Variants in MCUB observed in about 807,000 individuals in gnomAD.
The protein encoded by MCUB is calcium uniporter regulatory subunit MCUb, mitochondrial.
A neutral mutation model predicts 41.4 loss-of-function variants in MCUB; 46 were observed. That is an observed-to-expected ratio of 1.11 (90% CI 0.88 to 1.42). The LOEUF (loss-of-function observed/expected upper bound fraction) is 1.42, where lower values mean the gene tolerates loss of function less well. Ranked by LOEUF, MCUB falls within the 40% of genes most tolerant of loss-of-function variation. The pLI is 0.00. For missense variants in MCUB, 403 were observed against 404.9 expected (o/e 1.00, Z 0.04); for synonymous variants, 148 against 148.2 (o/e 1.00, Z 0.01).
Position 109,560,444 on chromosome 4 carries a change from C to T in MCUB, c.99+8C>T. ...CTGCCGCCTCCGCCCCAGGTAAGAG[C>T]GGGTGCCGGGCTGTGGGGGTTCGGG... On this transcript the variant is annotated splice_region_variant and intron_variant, in intron 1 of 7. Transcript: ENST00000394650. The T allele has an allele frequency of 2.4e-6, 3 of 1,249,838 alleles. No individual in the cohort carries two copies. Among genetic ancestry groups the T allele is most frequent in the Non-Finnish European group, 3.0e-6 (3 of 986,586 alleles). The allele number at this position is 1,249,838 out of a possible 1,614,324, so 77.4% of individuals were successfully genotyped here.
At chr4:109,565,618 A>G (rs545073511) in intron 1 of MCUB, among the ~76,000 whole-genome samples, 2 of 152,218 alleles carry the variant, frequency 1.3e-5, no homozygotes, top group Non-Finnish European at 2.9e-5. Flanking sequence ...AGATTCTTCT[A>G]GAATATGGCT....
chr4:109,628,317 A>G (rs1398542313), intron 1 of MCUB, among the ~76,000 whole-genome samples: 5 of 152,242 alleles, frequency 3.3e-5, no homozygotes, highest in African/African-American at 1.2e-4. Context: ...GAGAAACAGA[A>G]GATGAAATAA....
chr4:109,599,059 A>C (rs1727664315), intron 1 of MCUB, among the ~76,000 whole-genome samples: 1 of 152,150 alleles, frequency 6.6e-6, no homozygotes, highest in Admixed American at 6.5e-5. Context: ...CTTTCACTTC[A>C]TCTGGGGAAA....
intron 1 of MCUB, among the ~76,000 whole-genome samples, chr4:109,649,056 G>A (rs1381851675): frequency 3.3e-5 from 5 of 152,022 alleles, no homozygotes; most frequent in African/African-American, 9.7e-5. Flanking sequence ...TTCCTTGTTC[G>A]TGTTACATTT....
intron 1 of MCUB, among the ~76,000 whole-genome samples, chr4:109,617,555 A>T (rs1267317320): frequency 6.6e-6 from 1 of 152,216 alleles, no homozygotes; most frequent in Admixed American, 6.5e-5. Context: ...CCACAATTGC[A>T]ATAACATTAT....
intron 3 of MCUB, among the ~76,000 whole-genome samples, chr4:109,663,536 G>A (rs536427601): frequency 1.3e-5 from 2 of 150,162 alleles, no homozygotes; most frequent in Admixed American, 6.6e-5. Context: ...TAGGCATCAC[G>A]TTCATTATTG....
intron 1 of MCUB, among the ~76,000 whole-genome samples, chr4:109,645,576 C>A (rs1241716887): frequency 6.6e-6 from 1 of 152,118 alleles, no homozygotes; most frequent in East Asian, 1.9e-4. Flanking sequence ...ACCTTATCAT[C>A]CGCAGCACCA....
intron 1 of MCUB, among the ~76,000 whole-genome samples, chr4:109,624,092 G>A (rs915764340): frequency 6.6e-6 from 1 of 152,050 alleles, no homozygotes; most frequent in East Asian, 1.9e-4. Flanking sequence ...GACTGAAGCA[G>A]TCCTCCCACC....
intron 1 of MCUB, among the ~76,000 whole-genome samples, chr4:109,592,563 A>C (rs1453677768): frequency 1.3e-5 from 2 of 152,154 alleles, no homozygotes; most frequent in African/African-American, 4.8e-5. Context: ...ACATTTCTGT[A>C]ACTGATTATC....
At chr4:109,631,590 GT>G (rs1728475815) in intron 1 of MCUB, among the ~76,000 whole-genome samples, 1 of 152,200 alleles carries the variant, frequency 6.6e-6, no homozygotes, top group Non-Finnish European at 1.5e-5. Context: ...AGGAAGTATA[GT>G]TTCAGTTATT....
At chr4:109,587,106 G>A (rs1289554094) in intron 1 of MCUB, among the ~76,000 whole-genome samples, 2 of 152,218 alleles carry the variant, frequency 1.3e-5, no homozygotes, top group African/African-American at 4.8e-5. Flanking sequence ...GCTGCGGTGG[G>A]CTCTGCCCAG....
chr4:109,569,281 T>C (rs372794067), intron 1 of MCUB, among the ~76,000 whole-genome samples: 2 of 151,938 alleles, frequency 1.3e-5, no homozygotes, highest in South Asian at 4.1e-4. Context: ...CTCCTGACCT[T>C]GTGATCCGCC....
chr4:109,654,850 C>T (rs1028282774), intron 1 of MCUB, among the ~76,000 whole-genome samples: 1 of 152,176 alleles, frequency 6.6e-6, no homozygotes, highest in African/African-American at 2.4e-5. Flanking sequence ...GGATATTTTC[C>T]TCATACCAAC....
chr4:109,686,964 G>A (rs1175868550), intron 7 of MCUB, among the ~76,000 whole-genome samples: 1 of 148,490 alleles, frequency 6.7e-6, no homozygotes, highest in Non-Finnish European at 1.5e-5. Context: ...TAGGTTAAGG[G>A]TTTTTTTTTT....
intron 1 of MCUB, among the ~76,000 whole-genome samples, chr4:109,586,173 C>T (rs113104266): frequency 0.034 from 5,124 of 152,100 alleles, 303 homozygotes; most frequent in African/African-American, 0.12. Flanking sequence ...TTTCTCTAAA[C>T]GTCTCTTCTT....
intron 4 of MCUB, among the ~76,000 whole-genome samples, chr4:109,679,605 G>GAGGGAGAC (rs1181804290): frequency 6.6e-6 from 1 of 152,224 alleles, no homozygotes; most frequent in Non-Finnish European, 1.5e-5. Context: ...CTCGGCAAGA[G>GAGGGAGAC]AGGGAGACTG....
intron 1 of MCUB, among the ~76,000 whole-genome samples, chr4:109,603,559 C>T (rs1318588551): frequency 2.6e-5 from 4 of 152,056 alleles, no homozygotes; most frequent in South Asian, 2.1e-4. Flanking sequence ...GGCTGCCCAT[C>T]GTCTGGGAGG....
At chr4:109,569,718 G>A (rs1726869139) in intron 1 of MCUB, among the ~76,000 whole-genome samples, 1 of 151,652 alleles carries the variant, frequency 6.6e-6, no homozygotes, top group Non-Finnish European at 1.5e-5. Flanking sequence ...GGCCAGGCTG[G>A]TCTCGAACCC....
intron 1 of MCUB, among the ~76,000 whole-genome samples, chr4:109,587,982 A>G (rs1160169115): frequency 6.6e-6 from 1 of 152,256 alleles, no homozygotes; most frequent in Non-Finnish European, 1.5e-5. Context: ...TAGCTATAAT[A>G]TAATTTAAAA....
Sources: allele counts gnomAD v4.1 joint callset (sites outside exome capture counted in the v4.1 genomes callset), GRCh38; gene constraint gnomAD v4.1.1; transcripts MANE v1.5; gene names NCBI Gene and HGNC (gene_info 2026-07-23, HGNC 2026-07-21).